Variants in PRRG3 observed in about 807,000 individuals in gnomAD.
PRRG3 encodes transmembrane gamma-carboxyglutamic acid protein 3.
A neutral mutation model predicts 15.8 loss-of-function variants in PRRG3; 21 were observed. The observed-to-expected ratio is 1.33, with a 90% CI of 0.94 to 1.92. The LOEUF is 1.92. Among genes scored for constraint, PRRG3 ranks in the 40% most tolerant of loss-of-function variants. The pLI is 0.00. For missense variants in PRRG3, 251 were observed against 200.2 expected (o/e 1.25, Z -1.53); for synonymous variants, 125 against 84.1 (o/e 1.49, Z -2.66).
chrX:151,702,005 C>G lies in PRRG3; in HGVS notation c.*972C>G, dbSNP rs2014895164. The G allele has an allele frequency of 8.9e-6, 1 of 112,171 alleles. No individual in the cohort carries two copies. The highest frequency in any genetic ancestry group is 1.9e-5 in the Non-Finnish European group (1 of 53,262). 9.2% of individuals were successfully genotyped at this position (112,171 alleles called of 1,213,427 possible). On this transcript the variant is annotated 3_prime_UTR_variant, in exon 4 of 4. Coordinates refer to ENST00000674457, the MANE Select transcript of PRRG3 (RefSeq NM_001372163.1). ...AGCCCGTGGCCTGGGGTTGAAGGCCCATATGGGGTTTGCTCTGCTGTTGCC... is the reference window on the plus strand; with the variant it reads ...AGCCCGTGGCCTGGGGTTGAAGGCCGATATGGGGTTTGCTCTGCTGTTGCC...
intron 2 of PRRG3, 171 bp from the exon 3 acceptor site, chrX:151,699,825 A>C (rs2014830722): frequency 2.2e-6 from 1 of 458,383 alleles, no homozygotes; most frequent in African/African-American, 2.4e-5. Flanking sequence ...CAGCCCTTCC[A>C]TCCCTTTCAC....
Position 151,701,002 on chromosome X carries a change from T to C in PRRG3, c.665T>C (p.Ile222Thr). ...GACCCACCCCCAAAGTACGAGGAGA[T>C]AGTGGCCGCCAACCCTGGCGCTGAC... The part of the protein sequence containing the change: ...YSDPPPKYEE[I>T]VAANPGADK The change falls in exon 4 of 4, where the codon ATA becomes ACA. Residue 222 changes from isoleucine to threonine, a missense_variant. Physicochemically the swap from Ile to Thr is moderately conservative, Grantham distance 89. Transcript: ENST00000674457. The C allele has an allele frequency of 8.6e-7, 1 of 1,165,430 alleles. No homozygotes were observed. Among genetic ancestry groups the C allele is most frequent in the Non-Finnish European group, 1.1e-6 (1 of 871,744 alleles).
intron 3 of PRRG3, 158 bp downstream of exon 3, chrX:151,700,314 C>T (rs767463965): frequency 3.0e-5 from 34 of 1,145,792 alleles, no homozygotes; most frequent in Non-Finnish European, 3.7e-5. Context: ...ACGTACAGTC[C>T]CATTGCCTGA....
chrX:151,699,870 G>T, intron 2 of PRRG3, 126 bp from the exon 3 acceptor site: 1 of 671,338 alleles, frequency 1.5e-6, no homozygotes, highest in Non-Finnish European at 2.2e-6. Flanking sequence ...CAGAAGCCTG[G>T]TGTCTTGCCT....
chrX:151,695,142 C>T (rs1964547761), upstream of PRRG3: 1 of 111,535 alleles, frequency 9.0e-6, no homozygotes, highest in African/African-American at 3.2e-5. Context: ...ACGATTGCGG[C>T]CTGGCGATCG....
rs55716425 is a variant in PRRG3, at chrX:151,703,912, T to TTGTGTGTGTGTGTGTGTG, written c.*2903_*2920dup. On this transcript the variant is annotated 3_prime_UTR_variant, in exon 4 of 4. Transcript: ENST00000674457. ...TTTTTTTTTTTTTTTTTTTTTTTTT[T>TTGTGTGTGTGTGTGTGTG]TGTGTGTGTGTGTGTGTGTGTGTGT... 5.2e-5 allele frequency: 1 copy of TTGTGTGTGTGTGTGTGTG among 19,198 alleles called. No homozygotes were observed. Among genetic ancestry groups the TTGTGTGTGTGTGTGTGTG allele is most frequent in the African/African-American group, 1.9e-4 (1 of 5,342 alleles). The allele number at this position is 19,198 out of a possible 1,213,427, so 1.6% of individuals were successfully genotyped here.
chrX:151,698,596 A>G (rs2014806338), intron 1 of PRRG3, 188 bp from the exon 2 acceptor site: 1 of 344,169 alleles, frequency 2.9e-6, no homozygotes, highest in East Asian at 4.6e-5. Flanking sequence ...TCTCTGGAGA[A>G]GAGCTTGGGG....
In PRRG3 at chrX:151,703,237, T is replaced by C. The variant is rs1182325986; in HGVS notation, c.*2204T>C. 1 of 112,029 alleles carries C rather than the reference T, an allele frequency of 8.9e-6. No individual in the cohort carries two copies. The highest frequency in any genetic ancestry group is 1.9e-5 in the Non-Finnish European group (1 of 53,207). The allele number at this position is 112,029 out of a possible 1,213,427, so 9.2% of individuals were successfully genotyped here. On this transcript the variant is annotated 3_prime_UTR_variant, in exon 4 of 4. Transcript: ENST00000674457. Reference sequence around the variant, plus strand: ...GATGTTCGGTTCAGATGCTTCATGGTGTTCTGCCAGGTGGGGTTGCACCAC... The same window carrying C: ...GATGTTCGGTTCAGATGCTTCATGGCGTTCTGCCAGGTGGGGTTGCACCAC...
At chrX:151,697,108 C>CTCCA (rs2014778053) in intron 1 of PRRG3, among the ~76,000 whole-genome samples, 1 of 89,802 alleles carries the variant, frequency 1.1e-5, no homozygotes, top group Non-Finnish European at 2.2e-5. Context: ...CCCTCCCTCC[C>CTCCA]TTCCTTCCTC....
In PRRG3 at chrX:151,700,676, C is replaced by T. The variant is rs939232157; in HGVS notation, c.339C>T (p.Pro113=). 9 of 1,211,433 alleles carry T rather than the reference C, an allele frequency of 7.4e-6. No homozygotes were observed. The highest frequency in any genetic ancestry group is 2.3e-4 in the Middle Eastern group (1 of 4,355). ...TGCAGAAAGCGACCCGTCACCACCC[C>T]TCCTATGCTCAGAACCGGTACCTAG... The part of the protein sequence containing the change: ...CQLQKATRHH[P]SYAQNRYLAS... Residue 113 remains proline, a synonymous_variant, in exon 4 of 4, where the codon CCC becomes CCT. Coordinates refer to ENST00000674457, the MANE Select transcript of PRRG3 (RefSeq NM_001372163.1).
chrX:151,702,982 TC>T lies in PRRG3; in HGVS notation c.*1952del, dbSNP rs771094428. Reference sequence around the variant, plus strand: ...CTGGGAGCAGGTGAGAAGAAACTTATCCCAATATGTCTACTCAGTTAGCACA... The same window carrying T: ...CTGGGAGCAGGTGAGAAGAAACTTATCCAATATGTCTACTCAGTTAGCACA... On this transcript the variant is annotated 3_prime_UTR_variant, in exon 4 of 4. Transcript: ENST00000674457. 1.8e-4 allele frequency: 20 copies of T among 112,613 alleles called. No individual in the cohort carries two copies. The highest frequency in any genetic ancestry group is 1.5e-4 in the Non-Finnish European group (8 of 53,295). The allele number at this position is 112,613 out of a possible 1,213,427, so 9.3% of individuals were successfully genotyped here. A position where few individuals can be genotyped will look rare whatever the true frequency, so the allele number is the denominator to read the frequency against.
Position 151,701,652 on chromosome X carries a change from G to A in PRRG3, c.*619G>A, listed in dbSNP as rs942519651. 3 of 112,682 alleles carry A rather than the reference G, an allele frequency of 2.7e-5. No homozygotes were observed. Among genetic ancestry groups the A allele is most frequent in the Non-Finnish European group, 5.6e-5 (3 of 53,304 alleles). 9.3% of individuals were successfully genotyped at this position (112,682 alleles called of 1,213,427 possible). On this transcript the variant is annotated 3_prime_UTR_variant, in exon 4 of 4. Transcript: ENST00000674457. ...AGGGAAATTTATCACATGGATCTGT[G>A]ATGTCCGCCTCCCCTAAAACCTGTC...
At chrX:151,700,294 C>A in intron 3 of PRRG3, 138 bp downstream of exon 3, 1 of 1,168,021 alleles carries the variant, frequency 8.6e-7, no homozygotes, top group Non-Finnish European at 1.1e-6. Context: ...CATCACGGAG[C>A]AGATAAAGTA....
chrX:151,697,900 A>G (rs1194650373), intron 1 of PRRG3, among the ~76,000 whole-genome samples: 2 of 109,843 alleles, frequency 1.8e-5, no homozygotes, highest in Admixed American at 1.9e-4. Flanking sequence ...AGCAGGAGAA[A>G]GGCTTTCTGA....
intron 1 of PRRG3, among the ~76,000 whole-genome samples, chrX:151,696,653 T>A (rs960210376): frequency 9.0e-6 from 1 of 111,513 alleles, no homozygotes; most frequent in Non-Finnish European, 1.9e-5. Flanking sequence ...TAAGACTATA[T>A]GCATTCTTCT....
chrX:151,696,558 T>G (rs1486000602), intron 1 of PRRG3, among the ~76,000 whole-genome samples: 2 of 111,530 alleles, frequency 1.8e-5, no homozygotes, highest in Admixed American at 1.9e-4. Flanking sequence ...TGGATATATG[T>G]AATCTATTAT....
chrX:151,697,078 TCC>T, intron 1 of PRRG3, among the ~76,000 whole-genome samples: 1 of 65,733 alleles, frequency 1.5e-5, no homozygotes, highest in Non-Finnish European at 2.6e-5. Context: ...CCTTCCCTTC[TCC>T]TTCCTTCCTT....
At position 151,701,316 on chromosome X, in the gene PRRG3, A is replaced by T. The variant is rs2014881321; in HGVS notation, c.*283A>T. 4.0e-6 allele frequency: 1 copy of T among 249,680 alleles called. No homozygotes were observed. The highest frequency in any genetic ancestry group is 7.1e-6 in the Non-Finnish European group (1 of 139,959). The allele number at this position is 249,680 out of a possible 1,213,427, so 20.6% of individuals were successfully genotyped here. A position where few individuals can be genotyped will look rare whatever the true frequency, so the allele number is the denominator to read the frequency against. On this transcript the variant is annotated 3_prime_UTR_variant, in exon 4 of 4. Transcript: ENST00000674457. ...CCAACATCCTGTCTTTCCATCAGGA[A>T]CTGGCTTCTCTTATGCCAAAGGAAT...
chrX:151,696,460 G>T (rs948125640), intron 1 of PRRG3, among the ~76,000 whole-genome samples: 2 of 110,747 alleles, frequency 1.8e-5, no homozygotes, highest in African/African-American at 6.6e-5. Context: ...ACTTTAGCAG[G>T]TGCGTCAGGA....
Sources: allele counts gnomAD v4.1 joint callset (sites outside exome capture counted in the v4.1 genomes callset), GRCh38; gene constraint gnomAD v4.1.1; transcripts MANE v1.5; gene names NCBI Gene and HGNC (gene_info 2026-07-23, HGNC 2026-07-21).